Variants in KCND3 observed in about 807,000 individuals in gnomAD.
KCND3 encodes the protein potassium voltage-gated channel subfamily D member 3, also known as A-type voltage-gated potassium channel KCND3.
KCND3 carries 9 observed loss-of-function variants against 51.1 expected under a neutral mutation model. The ratio of observed to expected loss-of-function variants is 0.18; its 90% CI spans 0.11 to 0.31. The LOEUF is 0.31. KCND3 is among the 10% of genes least tolerant of loss of function. KCND3 has a pLI of 1.00. For missense variants in KCND3, 526 were observed against 903.8 expected, an observed-to-expected ratio of 0.58 and a Z score of 5.36; for synonymous variants, 349 against 368.0, an observed-to-expected ratio of 0.95 and a Z score of 0.59.
intron 2 of KCND3, among the ~76,000 whole-genome samples, chr1:111,875,935 G>A (rs1669030779): frequency 6.6e-6 from 1 of 152,230 alleles, no homozygotes; most frequent in Non-Finnish European, 1.5e-5. Context: ...GTGGCTGATG[G>A]ATGGTTATGG....
intron 2 of KCND3, among the ~76,000 whole-genome samples, chr1:111,878,239 C>T (rs374751622): frequency 2.4e-4 from 36 of 152,360 alleles, no homozygotes; most frequent in Middle Eastern, 3.4e-3. Context: ...TACGTGAAAC[C>T]TCTTCCTGTC....
chr1:111,873,034 G>T (rs747858413), intron 2 of KCND3, among the ~76,000 whole-genome samples: 40 of 152,184 alleles, frequency 2.6e-4, no homozygotes, highest in Non-Finnish European at 4.7e-4. Flanking sequence ...CTATGTCTGG[G>T]CTTCCCAGAG....
chr1:111,835,683 A>G lies in KCND3; in HGVS notation c.1107-48577T>C, dbSNP rs145366602. On this transcript the variant is annotated intron_variant, in intron 2 of 7. Coordinates refer to ENST00000302127, the MANE Select transcript of KCND3 (RefSeq NM_001378969.1). ...CATGGCAACATCCGGAAGTTACCTT[A>G]TATAGTCTAAGAAGGGTAGGAACCC... Among the ~76,000 whole-genome samples, 75 of 152,342 alleles carry G rather than the reference A, an allele frequency of 4.9e-4. 1 individual carries two copies. The highest frequency in any genetic ancestry group is 1.7e-3 in the African/African-American group (69 of 41,582).
intron 2 of KCND3, among the ~76,000 whole-genome samples, chr1:111,827,383 T>C (rs1666626051): frequency 6.6e-6 from 1 of 152,216 alleles, no homozygotes; most frequent in Admixed American, 6.5e-5. Flanking sequence ...CTTGGTCCCT[T>C]GACTTTCAGT....
chr1:111,869,050 A>G (rs1557988837), intron 2 of KCND3, among the ~76,000 whole-genome samples: 2 of 152,016 alleles, frequency 1.3e-5, no homozygotes, highest in Non-Finnish European at 2.9e-5. Flanking sequence ...CTGTCCCCTT[A>G]AGCTCCACAC....
intron 2 of KCND3, among the ~76,000 whole-genome samples, chr1:111,820,214 G>A (rs888677454): frequency 6.6e-6 from 1 of 152,106 alleles, no homozygotes; most frequent in Non-Finnish European, 1.5e-5. Flanking sequence ...TGCCTCCAAG[G>A]CTTGTTTATG....
chr1:111,816,905 C>T (rs1666115459), intron 2 of KCND3, among the ~76,000 whole-genome samples: 1 of 152,234 alleles, frequency 6.6e-6, no homozygotes, highest in South Asian at 2.1e-4. Flanking sequence ...AGCAACTGAG[C>T]TCTGAGACGC....
chr1:111,941,643 AG>A (rs992392235), intron 2 of KCND3, among the ~76,000 whole-genome samples: 1 of 152,176 alleles, frequency 6.6e-6, no homozygotes, highest in Non-Finnish European at 1.5e-5. Flanking sequence ...AGCAGATGAC[AG>A]GCAGCCAGAG....
chr1:111,876,759 G>C (rs920024951), intron 2 of KCND3, among the ~76,000 whole-genome samples: 2 of 152,200 alleles, frequency 1.3e-5, no homozygotes, highest in African/African-American at 2.4e-5. Flanking sequence ...GCAAGAAGAG[G>C]GGGGAAGAGG....
chr1:111,829,652 T>G (rs1031258251), intron 2 of KCND3, among the ~76,000 whole-genome samples: 3 of 152,160 alleles, frequency 2.0e-5, no homozygotes, highest in African/African-American at 7.2e-5. Flanking sequence ...ACCTCCTGAA[T>G]GGTTGACAGC....
rs1198570580 is a variant in KCND3, at chr1:111,985,852, AT to A, written c.-72-3055del. Among the ~76,000 whole-genome samples the A allele has an allele frequency of 3.3e-5, 5 of 152,206 alleles. No homozygotes were observed. The South Asian group carries it at 8.3e-4, about 25-fold the overall frequency. On this transcript the variant is annotated intron_variant, in intron 1 of 7. Coordinates refer to ENST00000302127, the MANE Select transcript of KCND3 (RefSeq NM_001378969.1). ...AGAAGACAATAGGAATGACAATGAC[AT>A]TTCCCGTAAGCGTCACTGCTCAGAG... is the stretch of plus-strand genomic sequence containing the variant.
At position 111,902,518 on chromosome 1, in the gene KCND3, A is replaced by C. The variant is rs76591564; in HGVS notation, c.1106+79103T>G. Reference sequence around the variant, plus strand: ...TCCTATGTGGAGCCAACTTGATTCTACTAGCCCTGCTTCCTCACTTCTTTG... The same window carrying C: ...TCCTATGTGGAGCCAACTTGATTCTCCTAGCCCTGCTTCCTCACTTCTTTG... On this transcript the variant is annotated intron_variant, in intron 2 of 7. Coordinates refer to ENST00000302127, the MANE Select transcript of KCND3 (RefSeq NM_001378969.1). Among the ~76,000 whole-genome samples, 1,312 of 152,254 alleles carry C rather than the reference A, an allele frequency of 8.6e-3. 13 individuals carry two copies. The highest frequency in any genetic ancestry group is 9.4e-3 in the Non-Finnish European group (640 of 68,004).
intron 2 of KCND3, among the ~76,000 whole-genome samples, chr1:111,849,172 C>G (rs1667697476): frequency 6.6e-6 from 1 of 152,178 alleles, no homozygotes; most frequent in African/African-American, 2.4e-5. Flanking sequence ...TGAACACTGT[C>G]TAGACACAGC....
chr1:111,815,889 C>T (rs547433132), intron 2 of KCND3, among the ~76,000 whole-genome samples: 7 of 152,048 alleles, frequency 4.6e-5, no homozygotes, highest in East Asian at 1.9e-4. Flanking sequence ...ATGTTCCCCC[C>T]CCACACAAAA....
At chr1:111,931,369 A>G (rs2101861734) in intron 2 of KCND3, among the ~76,000 whole-genome samples, 1 of 152,310 alleles carries the variant, frequency 6.6e-6, no homozygotes, top group Admixed American at 6.5e-5. Context: ...TAAACAAATG[A>G]AACCAACAGG....
intron 2 of KCND3, among the ~76,000 whole-genome samples, chr1:111,848,582 T>C (rs1220816663): frequency 1.3e-5 from 2 of 152,192 alleles, no homozygotes; most frequent in African/African-American, 2.4e-5. Flanking sequence ...CTCCATTCCC[T>C]AGGCACTGCA....
chr1:111,964,603 C>T (rs1480479204), intron 2 of KCND3, among the ~76,000 whole-genome samples: 1 of 152,154 alleles, frequency 6.6e-6, no homozygotes, highest in Non-Finnish European at 1.5e-5. Flanking sequence ...ACACTTGGAG[C>T]AGGAAAGGCA....
chr1:111,866,192 A>G (rs1323347356), intron 2 of KCND3, among the ~76,000 whole-genome samples: 2 of 148,286 alleles, frequency 1.3e-5, no homozygotes, highest in Non-Finnish European at 3.0e-5. Flanking sequence ...GGTTTGTTTC[A>G]TTGATTTTCT....
chr1:111,972,629 C>G (rs149767758), intron 2 of KCND3, among the ~76,000 whole-genome samples: 1 of 152,216 alleles, frequency 6.6e-6, no homozygotes, highest in African/African-American at 2.4e-5. Context: ...TGAAGCCAAT[C>G]GTTCATTCAT....
Sources: gnomAD v4.1 joint callset for allele counts (sites outside exome capture counted in the v4.1 genomes callset) on GRCh38, gnomAD v4.1.1 for gene constraint, MANE v1.5 for transcripts, NCBI Gene and HGNC (gene_info 2026-07-23, HGNC 2026-07-21) for gene names.